Variants in WWOX observed in about 807,000 individuals in gnomAD.
The protein encoded by WWOX is WW domain-containing oxidoreductase.
Under a neutral mutation model 46.2 loss-of-function variants are expected in WWOX, and 69 were observed. The observed-to-expected ratio is 1.49, with a 90% confidence interval of 1.23 to 1.82. The LOEUF (loss-of-function observed/expected upper bound fraction) is 1.82, where lower values mean the gene tolerates loss of function less well. Ranked by LOEUF, WWOX falls within the 40% of genes most tolerant of loss-of-function variation. The probability of loss-of-function intolerance (pLI) is 0.00; values close to 1 mark genes in which losing one functional copy is unlikely to be tolerated. For missense variants in WWOX, 919 were observed against 542.6 expected (o/e 1.69, Z -6.89); for synonymous variants, 359 against 202.6 (o/e 1.77, Z -6.56).
chr16:78,816,706 A>G (rs1196962149), intron 8 of WWOX, among the ~76,000 whole-genome samples: 1 of 152,100 alleles, frequency 6.6e-6, no homozygotes, highest in Non-Finnish European at 1.5e-5. Context: ...TTTAAAATGT[A>G]GAGTATCATC....
chr16:78,441,087 T>G (rs2083434689), intron 8 of WWOX, among the ~76,000 whole-genome samples: 1 of 152,014 alleles, frequency 6.6e-6, no homozygotes, highest in African/African-American at 2.4e-5. Flanking sequence ...AGATTACAGG[T>G]GTGCACCACC....
At chr16:78,823,047 C>T (rs1218251779) in intron 8 of WWOX, among the ~76,000 whole-genome samples, 1 of 152,134 alleles carries the variant, frequency 6.6e-6, no homozygotes. Flanking sequence ...CAGGGAAAGG[C>T]CTTTTATTGC....
intron 8 of WWOX, chr16:78,780,411 G>T (rs1054214202): frequency 6.6e-6 from 1 of 152,168 alleles, no homozygotes; most frequent in African/African-American, 2.4e-5. Context: ...TGGATGTCTT[G>T]CAGAGCTGAG....
intron 8 of WWOX, among the ~76,000 whole-genome samples, chr16:78,915,647 A>G (rs2045231795): frequency 1.3e-5 from 2 of 151,982 alleles, no homozygotes; most frequent in South Asian, 4.2e-4. Flanking sequence ...CTCAGAAGAT[A>G]GTTTCTTACC....
At chr16:79,062,619 G>T (rs1036805775) in intron 8 of WWOX, among the ~76,000 whole-genome samples, 4 of 151,700 alleles carry the variant, frequency 2.6e-5, no homozygotes, top group African/African-American at 4.9e-5. Context: ...TTTAATGAAT[G>T]TTTACATTTA....
At chr16:78,308,554 C>T (rs2151872417) in intron 5 of WWOX, among the ~76,000 whole-genome samples, 1 of 152,206 alleles carries the variant, frequency 6.6e-6, no homozygotes, top group African/African-American at 2.4e-5. Flanking sequence ...ATTATTTTAC[C>T]CCAAAATATA....
intron 8 of WWOX, among the ~76,000 whole-genome samples, chr16:79,009,786 C>T (rs976494708): frequency 6.6e-6 from 1 of 152,110 alleles, no homozygotes; most frequent in Non-Finnish European, 1.5e-5. Flanking sequence ...TGGAATGGTG[C>T]AACCATGGTA....
At chr16:79,018,057 C>G (rs1213234737) in intron 8 of WWOX, among the ~76,000 whole-genome samples, 4 of 152,300 alleles carry the variant, frequency 2.6e-5, no homozygotes, top group East Asian at 1.9e-4. Flanking sequence ...AAAAGGGAAA[C>G]AAAACTAGTT....
At chr16:79,062,104 G>A (rs2048366861) in intron 8 of WWOX, among the ~76,000 whole-genome samples, 1 of 152,146 alleles carries the variant, frequency 6.6e-6, no homozygotes, top group Admixed American at 6.6e-5. Flanking sequence ...CACCCCACGT[G>A]ATCTCATAGC....
At chr16:78,577,029 A>G (rs933332858) in intron 8 of WWOX, among the ~76,000 whole-genome samples, 1 of 152,212 alleles carries the variant, frequency 6.6e-6, no homozygotes, top group Admixed American at 6.5e-5. Context: ...TGATTAGTTT[A>G]TAGGTAGCCC....
intron 8 of WWOX, among the ~76,000 whole-genome samples, chr16:78,776,519 G>A (rs2050194180): frequency 6.6e-6 from 1 of 152,122 alleles, no homozygotes; most frequent in Non-Finnish European, 1.5e-5. Context: ...AGGAAACCTT[G>A]ACATGATGAC....
At chr16:78,795,823 CTAG>C (rs1470104674) in intron 8 of WWOX, among the ~76,000 whole-genome samples, 1 of 151,982 alleles carries the variant, frequency 6.6e-6, no homozygotes, top group Non-Finnish European at 1.5e-5. Flanking sequence ...TATAAAGTAT[CTAG>C]TAGAGTGGCT....
intron 8 of WWOX, among the ~76,000 whole-genome samples, chr16:78,448,312 TAGTTATCTATCACTGCATAAC>T (rs1437666185): frequency 6.6e-6 from 1 of 152,164 alleles, no homozygotes; most frequent in Non-Finnish European, 1.5e-5. Context: ...CTCTATGTAT[TAGTTATCTATCACTGCATAAC>T]AAGTTACCTC....
chr16:78,964,742 C>T (rs1274462268), intron 8 of WWOX, among the ~76,000 whole-genome samples: 2 of 152,160 alleles, frequency 1.3e-5, no homozygotes, highest in Non-Finnish European at 2.9e-5. Context: ...TCACAGCAGC[C>T]CCTCCTATCA....
At chr16:78,562,210 C>T (rs2044456658) in intron 8 of WWOX, among the ~76,000 whole-genome samples, 1 of 152,154 alleles carries the variant, frequency 6.6e-6, no homozygotes, top group African/African-American at 2.4e-5. Context: ...CTTTTGGGCA[C>T]AGGAGAAGGA....
intron 8 of WWOX, among the ~76,000 whole-genome samples, chr16:79,193,481 T>C (rs1299042890): frequency 3.3e-5 from 5 of 152,192 alleles, no homozygotes; most frequent in African/African-American, 1.2e-4. Context: ...GGGTCTTGCG[T>C]CACAGAGATG....
intron 8 of WWOX, among the ~76,000 whole-genome samples, chr16:79,085,614 A>C (rs2048840251): frequency 6.6e-6 from 1 of 152,232 alleles, no homozygotes; most frequent in Non-Finnish European, 1.5e-5. Flanking sequence ...TCCACATAGA[A>C]AAACCTGTTT....
intron 8 of WWOX, among the ~76,000 whole-genome samples, chr16:78,610,251 C>A (rs549716799): frequency 6.6e-6 from 1 of 152,250 alleles, no homozygotes; most frequent in East Asian, 1.9e-4. Context: ...TTTCATAATT[C>A]TTCCCAGAGA....
intron 8 of WWOX, among the ~76,000 whole-genome samples, chr16:79,086,805 G>A (rs753562352): frequency 3.9e-5 from 6 of 152,194 alleles, no homozygotes; most frequent in African/African-American, 7.2e-5. Flanking sequence ...ACTGCTTCAC[G>A]CTGGGAGGTG....
Sources: allele counts gnomAD v4.1 joint callset (sites outside exome capture counted in the v4.1 genomes callset), GRCh38; gene constraint gnomAD v4.1.1; transcripts MANE v1.5; gene names NCBI Gene and HGNC (gene_info 2026-07-23, HGNC 2026-07-21).